Variants in CDH12 observed in about 807,000 individuals in gnomAD.
CDH12 encodes cadherin-12.
CDH12 carries 41 observed loss-of-function variants against 74.1 expected under a neutral mutation model. The observed-to-expected ratio is 0.55, with a 90% CI of 0.43 to 0.72. The LOEUF is 0.72. CDH12 is among the 30% of genes least tolerant of loss of function. CDH12 has a pLI of 0.00. For synonymous variants in CDH12, 399 were observed against 355.0 expected (o/e 1.12, Z -1.39); for missense variants, 945 against 977.2 (o/e 0.97, Z 0.44).
In CDH12 at chr5:21,910,263, C is replaced by T. The variant is rs146567682; in HGVS notation, c.527-55473G>A. Among the ~76,000 whole-genome samples, 630 of 152,190 alleles carry T rather than the reference C, an allele frequency of 4.1e-3. 5 individuals carry two copies. Among genetic ancestry groups the T allele is most frequent in the Non-Finnish European group, 6.5e-3 (445 of 67,996 alleles). On this transcript the variant is annotated intron_variant, in intron 6 of 14. Transcript: ENST00000382254. ...TTAAGGGGAAAAGGGACTTTATTGA[C>T]TCACATAACAAAAAAGTCAGCAACA...
At chr5:22,069,889 AC>A (rs1741825636) in intron 5 of CDH12, among the ~76,000 whole-genome samples, 1 of 152,128 alleles carries the variant, frequency 6.6e-6, no homozygotes, top group South Asian at 2.1e-4. Flanking sequence ...TCTAGATCAG[AC>A]CCTTCAGAAA....
chr5:22,179,948 T>G (rs1190275379), intron 4 of CDH12, among the ~76,000 whole-genome samples: 2 of 152,150 alleles, frequency 1.3e-5, no homozygotes, highest in Non-Finnish European at 2.9e-5. Flanking sequence ...AGTGGGTAAA[T>G]TCACGGTGAC....
chr5:22,414,765 T>C lies in CDH12; in HGVS notation c.-427-9414A>G, dbSNP rs997263674. Among the ~76,000 whole-genome samples, 4 of 151,966 alleles carry C rather than the reference T, an allele frequency of 2.6e-5. 1 individual carries two copies. The highest frequency in any genetic ancestry group is 2.6e-4 in the Admixed American group (4 of 15,268). ...TATTTTAATTATTAAATTTCTAAAATAAAATGAAATGCAGTTTTGGACTTA... is the reference window on the plus strand; with the variant it reads ...TATTTTAATTATTAAATTTCTAAAACAAAATGAAATGCAGTTTTGGACTTA... On this transcript the variant is annotated intron_variant, in intron 2 of 14. Coordinates refer to ENST00000382254, the MANE Select transcript of CDH12 (RefSeq NM_004061.5).
At chr5:22,055,526 C>G (rs1740675233) in intron 5 of CDH12, among the ~76,000 whole-genome samples, 1 of 152,132 alleles carries the variant, frequency 6.6e-6, no homozygotes, top group East Asian at 1.9e-4. Flanking sequence ...CTTCTGAACT[C>G]TCCCCTAGGA....
At chr5:22,235,266 G>A (rs10473583) in intron 3 of CDH12, among the ~76,000 whole-genome samples, 4,021 of 152,142 alleles carry the variant, frequency 0.026, 78 homozygotes, top group South Asian at 0.094. Context: ...CACAGAAACA[G>A]ATTGATAACA....
In CDH12 at chr5:21,839,407, T is replaced by C. The variant is rs376344677; in HGVS notation, c.814+2754A>G. On this transcript the variant is annotated intron_variant, in intron 8 of 14. Transcript: ENST00000382254. The stretch of plus-strand genomic sequence containing the variant: ...TATTTTAATTGACAAACAGAAATTG[T>C]TCACCTTTAATATATACAACATGTT... 1.6e-4 allele frequency among the ~76,000 whole-genome samples: 25 copies of C among 152,280 alleles called. No homozygotes were observed. The South Asian group carries it at 5.2e-3, about 32-fold the overall frequency.
chr5:22,754,677 A>G (rs747578048), intron 1 of CDH12, among the ~76,000 whole-genome samples: 5 of 152,142 alleles, frequency 3.3e-5, no homozygotes, highest in Admixed American at 6.5e-5. Flanking sequence ...CGAGATGGGA[A>G]AGTGACGGAG....
chr5:21,944,115 A>G (rs1008141480), intron 6 of CDH12, among the ~76,000 whole-genome samples: 2 of 152,218 alleles, frequency 1.3e-5, no homozygotes, highest in African/African-American at 4.8e-5. Context: ...TTGTCCTCTT[A>G]CAAAAGAGAA....
chr5:22,298,223 G>A (rs960484192), intron 3 of CDH12, among the ~76,000 whole-genome samples: 3 of 150,700 alleles, frequency 2.0e-5, no homozygotes, highest in South Asian at 2.1e-4. Context: ...ACATATATAC[G>A]CATTGTATAT....
intron 6 of CDH12, among the ~76,000 whole-genome samples, chr5:21,880,562 C>CCTTCCTTCCTT (rs1561268003): frequency 5.8e-5 from 3 of 51,826 alleles, no homozygotes; most frequent in East Asian, 6.1e-4. Flanking sequence ...TTCCTTCCTT[C>CCTTCCTTCCTT]CCTTCTTTCT....
intron 2 of CDH12, among the ~76,000 whole-genome samples, chr5:22,493,124 A>G (rs570266243): frequency 3.9e-5 from 6 of 152,214 alleles, no homozygotes; most frequent in African/African-American, 7.2e-5. Flanking sequence ...ACATGATCTC[A>G]TCGTGGATTC....
At chr5:21,894,782 C>T (rs997491243) in intron 6 of CDH12, among the ~76,000 whole-genome samples, 24 of 152,112 alleles carry the variant, frequency 1.6e-4, no homozygotes, top group African/African-American at 5.5e-4. Context: ...AGGGGTAACC[C>T]TTGGCAACAC....
At chr5:22,221,109 G>C (rs1752000106) in intron 3 of CDH12, among the ~76,000 whole-genome samples, 1 of 151,632 alleles carries the variant, frequency 6.6e-6, no homozygotes, top group African/African-American at 2.4e-5. Context: ...GTATTTAGAG[G>C]GTCTTTTTAT....
chr5:22,264,100 A>G (rs1753621893), intron 3 of CDH12, among the ~76,000 whole-genome samples: 1 of 151,510 alleles, frequency 6.6e-6, no homozygotes, highest in Non-Finnish European at 1.5e-5. Context: ...ATTTATTTAA[A>G]TATATATTTA....
At chr5:21,910,549 G>A (rs376266320) in intron 6 of CDH12, among the ~76,000 whole-genome samples, 6 of 152,130 alleles carry the variant, frequency 3.9e-5, no homozygotes, top group Non-Finnish European at 7.4e-5. Context: ...GTCTCATGGC[G>A]TCCCTGAATT....
chr5:22,337,372 T>G (rs1381607742), intron 3 of CDH12, among the ~76,000 whole-genome samples: 1 of 151,824 alleles, frequency 6.6e-6, no homozygotes, highest in Non-Finnish European at 1.5e-5. Flanking sequence ...ATTTGGGAGG[T>G]GCTGGGGTGG....
At chr5:22,535,392 G>A (rs1440437545) in intron 1 of CDH12, among the ~76,000 whole-genome samples, 5 of 151,844 alleles carry the variant, frequency 3.3e-5, no homozygotes, top group African/African-American at 9.7e-5. Flanking sequence ...TCCTGACCTC[G>A]TGATCCGCCC....
rs796449881 is a variant in CDH12 at position 21,808,840 on chromosome 5, CA to C, written c.1003-6421del. On this transcript the variant is annotated intron_variant, in intron 9 of 14. Coordinates refer to ENST00000382254, the MANE Select transcript of CDH12 (RefSeq NM_004061.5). Reference sequence around the variant, plus strand: ...ATATAAAAAAGCTGTATTTGATGAACAAAAGTTGCCACTATATCAGGTGAGA... The same window carrying C: ...ATATAAAAAAGCTGTATTTGATGAACAAAGTTGCCACTATATCAGGTGAGA... Among the ~76,000 whole-genome samples the C allele has an allele frequency of 3.3e-5, 5 of 151,992 alleles. No individual in the cohort carries two copies. In the South Asian group the frequency reaches 8.3e-4, roughly 25 times the overall value.
chr5:22,641,434 G>A (rs1432664834), intron 1 of CDH12, among the ~76,000 whole-genome samples: 2 of 152,040 alleles, frequency 1.3e-5, no homozygotes, highest in African/African-American at 4.8e-5. Context: ...GGTTGATGGT[G>A]CCTGTCCTCA....
Sources: gnomAD v4.1 joint callset for allele counts (sites outside exome capture counted in the v4.1 genomes callset) on GRCh38, gnomAD v4.1.1 for gene constraint, MANE v1.5 for transcripts, NCBI Gene and HGNC (gene_info 2026-07-23, HGNC 2026-07-21) for gene names.